Variants in ZNF609 observed in about 807,000 individuals in gnomAD.
The protein encoded by ZNF609 is zinc finger protein 609.
In ZNF609, 11 loss-of-function variants were observed where a neutral mutation model predicts 109.5. The ratio of observed to expected loss-of-function variants is 0.10; its 90% CI spans 0.06 to 0.17. The LOEUF (loss-of-function observed/expected upper bound fraction) is 0.17, where lower values mean the gene tolerates loss of function less well. Ranked by LOEUF, ZNF609 falls within the 10% of genes least tolerant of loss-of-function variation. ZNF609 has a pLI of 1.00. For synonymous variants in ZNF609, 646 were observed against 662.0 expected, an observed-to-expected ratio of 0.98 and a Z score of 0.37; for missense variants, 1,559 against 1,772.4, an observed-to-expected ratio of 0.88 and a Z score of 2.16.
intron 4 of ZNF609, among the ~76,000 whole-genome samples, chr15:64,673,254 C>T (rs1190512372): frequency 2.6e-5 from 4 of 152,062 alleles, no homozygotes; most frequent in African/African-American, 9.7e-5. Context: ...CTCCAGCTGC[C>T]CCCTGGAACA....
chr15:64,479,284 ATTTTTTTTTT>A (rs34496032), intron 1 of ZNF609, among the ~76,000 whole-genome samples: 1 of 86,530 alleles, frequency 1.2e-5, no homozygotes, highest in African/African-American at 5.1e-5. Context: ...TACCTGTGTG[ATTTTTTTTTT>A]TTTTTTTTTT....
At chr15:64,505,414 A>G (rs1893621053) in intron 2 of ZNF609, among the ~76,000 whole-genome samples, 1 of 152,196 alleles carries the variant, frequency 6.6e-6, no homozygotes, top group South Asian at 2.1e-4. Flanking sequence ...ATTACTAAGT[A>G]TTTTGTAGAG....
chr15:64,474,342 T>G (rs571450210), intron 1 of ZNF609, among the ~76,000 whole-genome samples: 1 of 151,724 alleles, frequency 6.6e-6, no homozygotes, highest in African/African-American at 2.4e-5. Context: ...GCCTCCCGAG[T>G]AGCTGGGATT....
chr15:64,670,707 C>T (rs1315872604), intron 4 of ZNF609, among the ~76,000 whole-genome samples: 5 of 151,008 alleles, frequency 3.3e-5, no homozygotes, highest in Non-Finnish European at 4.4e-5. Flanking sequence ...GGAGAAACCC[C>T]GTCTCTACTA....
intron 1 of ZNF609, among the ~76,000 whole-genome samples, chr15:64,495,629 G>T (rs1008647107): frequency 6.6e-6 from 1 of 151,928 alleles, no homozygotes; most frequent in Non-Finnish European, 1.5e-5. Flanking sequence ...TCAAACTCCT[G>T]ATCCTCAAGC....
chr15:64,462,584 C>T (rs1892959590), intron 1 of ZNF609, among the ~76,000 whole-genome samples: 1 of 151,952 alleles, frequency 6.6e-6, no homozygotes, highest in South Asian at 2.1e-4. Context: ...GCCTGGGCAA[C>T]AAAGCAAGAC....
At chr15:64,605,715 AT>A (rs145790226) in intron 2 of ZNF609, among the ~76,000 whole-genome samples, 3 of 147,738 alleles carry the variant, frequency 2.0e-5, no homozygotes, top group Non-Finnish European at 4.5e-5. Context: ...TAGAGCTGAG[AT>A]TTTTTTTTCT....
intron 2 of ZNF609, 104 bp downstream of exon 2, chr15:64,500,270 G>A (rs987052181): frequency 7.0e-7 from 1 of 1,437,386 alleles, no homozygotes; most frequent in African/African-American, 1.4e-5. Flanking sequence ...ATTAGTGTGT[G>A]GGTAATGACC....
intron 2 of ZNF609, among the ~76,000 whole-genome samples, chr15:64,546,664 GGGTCTTCC>G: frequency 6.6e-6 from 1 of 151,738 alleles, no homozygotes; most frequent in South Asian, 2.1e-4. Context: ...TGTAGTGATG[GGGTCTTCC>G]TACATTGCCT....
chr15:64,523,355 A>G (rs1893920727), intron 2 of ZNF609, among the ~76,000 whole-genome samples: 1 of 152,058 alleles, frequency 6.6e-6, no homozygotes, highest in Admixed American at 6.6e-5. Flanking sequence ...CTCTGAGACT[A>G]CTCTTTGGAA....
chr15:64,487,818 T>C (rs1811942939), intron 1 of ZNF609, among the ~76,000 whole-genome samples: 2 of 152,044 alleles, frequency 1.3e-5, no homozygotes, highest in Non-Finnish European at 2.9e-5. Flanking sequence ...GTATTTTTAG[T>C]AGAGATGGGG....
At chr15:64,564,843 G>GT (rs751830681) in intron 2 of ZNF609, among the ~76,000 whole-genome samples, 268 of 138,494 alleles carry the variant, frequency 1.9e-3, no homozygotes, top group African/African-American at 6.1e-3. Flanking sequence ...CTCACTAACT[G>GT]TTTTTTTTTT....
In ZNF609 at chr15:64,625,930, TATATATAGAGAGAGAGAGAG is replaced by T. The variant is rs1408890644; in HGVS notation, c.973+2880_973+2899del. 7.0e-3 allele frequency among the ~76,000 whole-genome samples: 510 copies of T among 72,778 alleles called. 7 individuals carry two copies. Among genetic ancestry groups the T allele is most frequent in the African/African-American group, 0.026 (489 of 19,098 alleles). The allele number at this position is 72,778 out of a possible 152,430, so 47.7% of individuals were successfully genotyped here. ...AAAAAAAAAAATATATATATATATA[TATATATAGAGAGAGAGAGAG>T]AGAGAGAGAGAGAGAGAGAGGATAT... On this transcript the variant is annotated intron_variant, in intron 3 of 9. Transcript: ENST00000326648.
chr15:64,580,179 G>C (rs1482402782), intron 2 of ZNF609, among the ~76,000 whole-genome samples: 1 of 152,130 alleles, frequency 6.6e-6, no homozygotes, highest in Non-Finnish European at 1.5e-5. Flanking sequence ...GATGAGCCAA[G>C]GAATTTAGAC....
intron 3 of ZNF609, among the ~76,000 whole-genome samples, chr15:64,664,066 A>G (rs1322613380): frequency 6.6e-6 from 1 of 152,050 alleles, no homozygotes; most frequent in Non-Finnish European, 1.5e-5. Context: ...TATCTCTACT[A>G]ATAATACAAA....
chr15:64,483,891 C>G (rs1566995116), intron 1 of ZNF609, among the ~76,000 whole-genome samples: 1 of 152,124 alleles, frequency 6.6e-6, no homozygotes, highest in Non-Finnish European at 1.5e-5. Context: ...TAGTGACTTC[C>G]CAATGTTATT....
intron 2 of ZNF609, among the ~76,000 whole-genome samples, chr15:64,598,791 GTTATC>G (rs1476116369): frequency 2.3e-5 from 2 of 86,590 alleles, no homozygotes; most frequent in African/African-American, 4.4e-5. Context: ...TATATATCCT[GTTATC>G]TTCTTGATAC....
intron 1 of ZNF609, among the ~76,000 whole-genome samples, chr15:64,480,592 A>G (rs1298854113): frequency 3.9e-5 from 6 of 152,072 alleles, no homozygotes; most frequent in Admixed American, 3.9e-4. Flanking sequence ...TGCTTGATGG[A>G]AGGAGACTAA....
At chr15:64,679,662 C>G (rs368284734) in intron 6 of ZNF609, among the ~76,000 whole-genome samples, 3 of 152,194 alleles carry the variant, frequency 2.0e-5, no homozygotes, top group Non-Finnish European at 4.4e-5. Flanking sequence ...ATCATAGTTG[C>G]ATTTGTTGAG....
Sources: gnomAD v4.1 joint callset for allele counts (sites outside exome capture counted in the v4.1 genomes callset) on GRCh38, gnomAD v4.1.1 for gene constraint, MANE v1.5 for transcripts, NCBI Gene and HGNC (gene_info 2026-07-23, HGNC 2026-07-21) for gene names.